The following CCDC30 variants were observed in gnomAD, a reference collection of about 807,000 sequenced individuals.
CCDC30 encodes coiled-coil domain containing 30, also known as coiled-coil domain-containing protein 30.
CCDC30 carries 70 observed loss-of-function variants against 100.2 expected under a neutral mutation model. The ratio of observed to expected loss-of-function variants is 0.70; its 90% CI spans 0.58 to 0.85. CCDC30 has a LOEUF of 0.85. Ranked by LOEUF, CCDC30 falls within the 40% of genes least tolerant of loss-of-function variation. The pLI is 0.00. For synonymous variants in CCDC30, 233 were observed against 269.5 expected, an observed-to-expected ratio of 0.86 and a Z score of 1.33; for missense variants, 652 against 771.2, an observed-to-expected ratio of 0.85 and a Z score of 1.83.
At chr1:42,611,270 C>T (rs1444553780) in intron 11 of CCDC30, among the ~76,000 whole-genome samples, 180 bp downstream of exon 15, 1 of 152,004 alleles carries the variant, frequency 6.6e-6, no homozygotes, top group Non-Finnish European at 1.5e-5. Context: ...AATATGGGGC[C>T]TAATTTCTTC....
At chr1:42,653,492 T>A in intron 16 of CCDC30, 49 bp downstream of exon 20, 2 of 1,200,530 alleles carry the variant, frequency 1.7e-6, no homozygotes, top group Non-Finnish European at 2.5e-6. Flanking sequence ...AGATGGACTG[T>A]CAGCCATGCC....
At chr1:42,563,367 C>T (rs1395038579) in intron 6 of CCDC30, among the ~76,000 whole-genome samples, 1 of 152,054 alleles carries the variant, frequency 6.6e-6, no homozygotes, top group Non-Finnish European at 1.5e-5. Context: ...GAAAACCAAA[C>T]ACTACATGTT....
At chr1:42,535,106 G>A (rs1237161731) in intron 6 of CCDC30, 2 of 152,162 alleles carry the variant, frequency 1.3e-5, no homozygotes, top group Non-Finnish European at 2.9e-5. Context: ...TTCTAGGAAT[G>A]TACATCCTAT....
intron 1 of CCDC30, among the ~76,000 whole-genome samples, chr1:42,476,890 T>TTG (rs201029841): frequency 0.24 from 34,491 of 145,756 alleles, 4,332 homozygotes; most frequent in South Asian, 0.43. Flanking sequence ...GAAGTTTTTT[T>TTG]TTTTGTTTTT....
At chr1:42,528,325 G>A (rs932626678) in intron 6 of CCDC30, among the ~76,000 whole-genome samples, 8 of 152,030 alleles carry the variant, frequency 5.3e-5, no homozygotes, top group African/African-American at 1.7e-4. Flanking sequence ...TTCTTTCATG[G>A]TGACCACAAT....
At chr1:42,605,026 A>G (rs1002876424) in intron 10 of CCDC30, among the ~76,000 whole-genome samples, 2 of 152,196 alleles carry the variant, frequency 1.3e-5, no homozygotes, top group Non-Finnish European at 2.9e-5. Context: ...AGTCATTGTC[A>G]TCAACTAACT....
chr1:42,543,275 C>CTTT (rs10637500), intron 6 of CCDC30, among the ~76,000 whole-genome samples: 30 of 143,568 alleles, frequency 2.1e-4, no homozygotes, highest in South Asian at 6.6e-4. Context: ...AACTGGCCTT[C>CTTT]TTTTTTTTTT....
At position 42,614,352 on chromosome 1, in the gene CCDC30, T is replaced by C. The variant is rs146052697; in HGVS notation, c.1277+3262T>C. On this transcript the variant is annotated intron_variant, in intron 11 of 16. Coordinates refer to ENST00000668663, the Ensembl canonical transcript of CCDC30. ...GCCTCGGCCTCCCAAAGTGCTGGGA[T>C]TACAGGCGTGAGCCACCGCACCTGG... Among the ~76,000 whole-genome samples, 67 of 150,582 alleles carry C rather than the reference T, an allele frequency of 4.4e-4. 3 individuals carry two copies. The East Asian group carries it at 0.013, about 30-fold the overall frequency.
chr1:42,533,026 G>A (rs377504204), intron 6 of CCDC30, among the ~76,000 whole-genome samples: 48 of 152,206 alleles, frequency 3.2e-4, no homozygotes, highest in African/African-American at 1.0e-3. Context: ...CAAAGTGCTG[G>A]GATTACAGGC....
intron 2 of CCDC30, among the ~76,000 whole-genome samples, chr1:42,480,977 C>T (rs1367043543): frequency 4.6e-5 from 7 of 151,576 alleles, no homozygotes; most frequent in Non-Finnish European, 1.0e-4. Flanking sequence ...AAAAAATTAG[C>T]TGGGTGTGGT....
At chr1:42,558,168 A>G (rs1570052707) in intron 6 of CCDC30, 1 of 282,600 alleles carries the variant, frequency 3.5e-6, no homozygotes, top group East Asian at 1.3e-4. Flanking sequence ...GTAGATGAGA[A>G]GAACTACTGT....
intron 10 of CCDC30, among the ~76,000 whole-genome samples, chr1:42,599,435 A>G (rs1646357792): frequency 6.6e-6 from 1 of 152,214 alleles, no homozygotes; most frequent in South Asian, 2.1e-4. Flanking sequence ...AAGGAGGACA[A>G]CAGAATCATA....
chr1:42,650,643 T>C (rs2148698253), intron 15 of CCDC30, among the ~76,000 whole-genome samples: 1 of 151,958 alleles, frequency 6.6e-6, no homozygotes, highest in African/African-American at 2.4e-5. Flanking sequence ...CCCACACATT[T>C]AAAATTGATT....
At chr1:42,643,953 T>C (rs1332890578) in intron 13 of CCDC30, among the ~76,000 whole-genome samples, 1 of 152,172 alleles carries the variant, frequency 6.6e-6, no homozygotes, top group Non-Finnish European at 1.5e-5. Context: ...TCTTGTTTCA[T>C]TCCCACCCTA....
intron 6 of CCDC30, among the ~76,000 whole-genome samples, chr1:42,508,642 T>C (rs566974145): frequency 6.6e-6 from 1 of 152,284 alleles, no homozygotes; most frequent in East Asian, 1.9e-4. Flanking sequence ...TGGGGTTTCA[T>C]GAGGGAAACA....
In CCDC30 at chr1:42,577,187, G is replaced by T; in HGVS notation, c.804G>T (p.Lys268Asn). 12 of 1,614,108 alleles carry T rather than the reference G, an allele frequency of 7.4e-6. No individual in the cohort carries two copies. Among genetic ancestry groups the T allele is most frequent in the Non-Finnish European group, 1.0e-5 (12 of 1,179,990 alleles). Residue 268 changes from lysine (K) to asparagine (N), a missense_variant, in exon 8 of 17, where the codon AAG becomes AAT. By Grantham distance (94) the Lys-to-Asn change is moderately conservative. Coordinates refer to ENST00000668663, the Ensembl canonical transcript of CCDC30. Reference sequence around the variant, plus strand: ...AATCACAGAACAACCTACAGGAAAAGCTGGTTCAGGAGAAATCTAAAGTTG... The same window carrying T: ...AATCACAGAACAACCTACAGGAAAATCTGGTTCAGGAGAAATCTAAAGTTG...
upstream of CCDC30, chr1:42,459,699 G>A (rs1482478128): frequency 7.4e-6 from 12 of 1,613,994 alleles, no homozygotes; most frequent in Admixed American, 3.3e-5. Context: ...GACTGACCCC[G>A]CCATTGTAAT....
intron 16 of CCDC30, 43 bp from the exon 21 acceptor site, chr1:42,653,775 C>A: frequency 6.7e-7 from 1 of 1,490,066 alleles, no homozygotes; most frequent in Non-Finnish European, 9.3e-7. Context: ...CTGCTACCAA[C>A]AAACTCTATG....
chr1:42,566,854 G>T (rs138963370), intron 7 of CCDC30, among the ~76,000 whole-genome samples: 1 of 152,056 alleles, frequency 6.6e-6, no homozygotes, highest in Non-Finnish European at 1.5e-5. Flanking sequence ...GGTACAATTC[G>T]TGGGAGAACA....
Sources: gnomAD v4.1 joint callset for allele counts (sites outside exome capture counted in the v4.1 genomes callset) on GRCh38, gnomAD v4.1.1 for gene constraint, MANE v1.5 for transcripts, NCBI Gene and HGNC (gene_info 2026-07-23, HGNC 2026-07-21) for gene names.